The following APBA1 variants were observed in gnomAD, a reference collection of about 807,000 sequenced individuals.
APBA1 encodes the protein amyloid beta precursor protein binding family A member 1.
APBA1 carries 55 observed loss-of-function variants against 86.6 expected under a neutral mutation model. That is an observed-to-expected ratio of 0.64 (90% CI 0.51 to 0.80). The LOEUF (loss-of-function observed/expected upper bound fraction) is 0.80, where lower values mean the gene tolerates loss of function less well. Among genes scored for constraint, APBA1 ranks in the 30% least tolerant of loss-of-function variants. The pLI is 0.00. For synonymous variants in APBA1, 511 were observed against 493.9 expected, an observed-to-expected ratio of 1.03 and a Z score of -0.46; for missense variants, 1,090 against 1,183.0, an observed-to-expected ratio of 0.92 and a Z score of 1.15.
intron 1 of APBA1, among the ~76,000 whole-genome samples, chr9:69,617,347 A>G (rs541475433): frequency 6.1e-4 from 93 of 152,192 alleles, no homozygotes; most frequent in Non-Finnish European, 7.2e-4. Flanking sequence ...TGTAGTGGTG[A>G]CTTCCATAAG....
At chr9:69,632,843 C>T (rs1237876893) in intron 1 of APBA1, among the ~76,000 whole-genome samples, 2 of 152,162 alleles carry the variant, frequency 1.3e-5, no homozygotes, top group Admixed American at 6.5e-5. Flanking sequence ...GTGATCCAAA[C>T]GAATGATATT....
In APBA1 at chr9:69,467,809, C is replaced by G. The variant is rs750624807; in HGVS notation, c.1482+14G>C. On this transcript the variant is annotated intron_variant, in intron 5 of 12. Transcript: ENST00000265381. ...CAGCCCCCTGTCCCTGTTGGAGCAC[C>G]CAGATGTCCTCACCTTGATCCTGCT... The G allele has an allele frequency of 1.9e-6, 3 of 1,613,950 alleles. No individual in the cohort carries two copies. Among genetic ancestry groups the G allele is most frequent in the Non-Finnish European group, 2.5e-6 (3 of 1,179,960 alleles).
chr9:69,595,573 C>G (rs1822210862), intron 1 of APBA1, among the ~76,000 whole-genome samples: 1 of 152,292 alleles, frequency 6.6e-6, no homozygotes, highest in African/African-American at 2.4e-5. Context: ...AGGGTATGAT[C>G]TTCGTGATAA....
At chr9:69,561,587 T>C (rs1836946117) in intron 1 of APBA1, among the ~76,000 whole-genome samples, 1 of 151,868 alleles carries the variant, frequency 6.6e-6, no homozygotes, top group Admixed American at 6.6e-5. Context: ...GTAGTTGATT[T>C]GGGGTATAGA....
At chr9:69,629,724 C>G (rs1823001226) in intron 1 of APBA1, among the ~76,000 whole-genome samples, 1 of 152,150 alleles carries the variant, frequency 6.6e-6, no homozygotes. Context: ...TATGTATTGA[C>G]CCAGTTCTAG....
intron 1 of APBA1, among the ~76,000 whole-genome samples, chr9:69,636,692 G>T (rs1475160138): frequency 1.3e-5 from 2 of 151,210 alleles, no homozygotes; most frequent in Non-Finnish European, 2.9e-5. Flanking sequence ...TACCTGGGAG[G>T]CTTAGGTGGG....
chr9:69,628,835 A>G (rs1201648896), intron 1 of APBA1, among the ~76,000 whole-genome samples: 1 of 152,216 alleles, frequency 6.6e-6, no homozygotes, highest in Non-Finnish European at 1.5e-5. Flanking sequence ...ATAAGTTTCT[A>G]TTAAATCTCC....
rs187541650 is a variant in APBA1 at position 69,527,532 on chromosome 9, G to A, written c.-69-10253C>T. ...TGATTATGAAGCAGAAGCTCAGGCA[G>A]CTTAAATAACTTGTCCAAGGTCACT... is the stretch of plus-strand genomic sequence containing the variant. On this transcript the variant is annotated intron_variant, in intron 1 of 12. Transcript: ENST00000265381. 1.9e-3 allele frequency among the ~76,000 whole-genome samples: 285 copies of A among 152,236 alleles called. 6 individuals are homozygous for A. Among genetic ancestry groups the A allele is most frequent in the Admixed American group, 0.018 (282 of 15,282 alleles).
intron 11 of APBA1, 69 bp downstream of exon 11, chr9:69,440,927 C>A (rs1588284595): frequency 6.5e-7 from 1 of 1,543,482 alleles, no homozygotes. Flanking sequence ...CTTGGCTCCA[C>A]CCCCCCAGCC....
chr9:69,445,283 TGAA>T (rs1358835906), intron 10 of APBA1, among the ~76,000 whole-genome samples: 3 of 152,190 alleles, frequency 2.0e-5, no homozygotes, highest in African/African-American at 7.2e-5. Context: ...TGTTGCAAGA[TGAA>T]GCTTAGAGAA....
At chr9:69,515,954 C>G (rs893379904) in intron 2 of APBA1, 57 bp downstream of exon 2, 2 of 1,461,386 alleles carry the variant, frequency 1.4e-6, no homozygotes, top group Non-Finnish European at 1.8e-6. Context: ...GGCCATGGGG[C>G]GCCATCTTCC....
intron 1 of APBA1, among the ~76,000 whole-genome samples, chr9:69,540,723 C>T (rs1836592620): frequency 6.6e-6 from 1 of 152,136 alleles, no homozygotes; most frequent in African/African-American, 2.4e-5. Flanking sequence ...TTCAGCCTTC[C>T]AAGTAGCTGG....
intron 1 of APBA1, among the ~76,000 whole-genome samples, chr9:69,659,464 G>A (rs75561828): frequency 0.026 from 4,017 of 152,192 alleles, 203 homozygotes; most frequent in African/African-American, 0.091. Flanking sequence ...CAGACGGGTT[G>A]ATAATTGCCT....
At chr9:69,454,637 C>T (rs1409969870) in intron 8 of APBA1, among the ~76,000 whole-genome samples, 1 of 152,152 alleles carries the variant, frequency 6.6e-6, no homozygotes, top group East Asian at 1.9e-4. Context: ...TTCTCAGGTC[C>T]ACTCTTGCCT....
At chr9:69,658,284 C>CTTTCTTTCTTTCTTTCTT (rs370230255) in intron 1 of APBA1, among the ~76,000 whole-genome samples, 4,354 of 75,354 alleles carry the variant, frequency 0.058, 362 homozygotes, top group Middle Eastern at 0.11. Context: ...TTCTTTCTTT[C>CTTTCTTTCTTTCTTTCTT]TCTCTCTCTT....
At chr9:69,462,580 G>GGGAGCTGCTAAAA (rs1166286626) in intron 5 of APBA1, 4 of 152,334 alleles carry the variant, frequency 2.6e-5, no homozygotes, top group Admixed American at 2.6e-4. Context: ...TAGTTAAAGT[G>GGGAGCTGCTAAAA]AATGAAATCT....
At chr9:69,463,610 C>T (rs1225219742) in intron 5 of APBA1, 1 of 152,130 alleles carries the variant, frequency 6.6e-6, no homozygotes, top group African/African-American at 2.4e-5. Context: ...TCAAGGTCAG[C>T]GTCTGTTCAG....
intron 1 of APBA1, among the ~76,000 whole-genome samples, chr9:69,605,913 T>G (rs1392392623): frequency 2.0e-5 from 3 of 152,238 alleles, no homozygotes; most frequent in Admixed American, 2.0e-4. Flanking sequence ...ATTTATCCAA[T>G]GAATTAATGA....
chr9:69,645,636 G>A (rs1425590747), intron 1 of APBA1, among the ~76,000 whole-genome samples: 1 of 152,204 alleles, frequency 6.6e-6, no homozygotes, highest in Non-Finnish European at 1.5e-5. Context: ...CTTACATTAT[G>A]AAAGGGAGGG....
Sources: gnomAD v4.1 joint callset for allele counts (sites outside exome capture counted in the v4.1 genomes callset) on GRCh38, gnomAD v4.1.1 for gene constraint, MANE v1.5 for transcripts, NCBI Gene and HGNC (gene_info 2026-07-23, HGNC 2026-07-21) for gene names.